RAD52: variants seen among roughly 807,000 people sequenced by gnomAD.
RAD52 encodes the protein DNA repair protein RAD52 homolog.
A neutral mutation model predicts 55.5 loss-of-function variants in RAD52; 47 were observed. The observed-to-expected ratio is 0.85, with a 90% CI of 0.67 to 1.08. The LOEUF is 1.08. RAD52 is among the 50% of genes least tolerant of loss of function. The pLI is 0.00. For missense variants in RAD52, 468 were observed against 522.8 expected, an observed-to-expected ratio of 0.90 and a Z score of 1.02; for synonymous variants, 184 against 198.9, an observed-to-expected ratio of 0.92 and a Z score of 0.63.
At chr12:964,445 G>A (rs1298684958) in intron 1 of RAD52, among the ~76,000 whole-genome samples, 1 of 152,086 alleles carries the variant, frequency 6.6e-6, no homozygotes, top group Non-Finnish European at 1.5e-5. Flanking sequence ...GTGTGTGCCT[G>A]TAATCCCAGC....
chr12:950,237 G>A (rs1392463927), upstream of RAD52, among the ~76,000 whole-genome samples: 1 of 152,188 alleles, frequency 6.6e-6, no homozygotes, highest in Non-Finnish European at 1.5e-5. Context: ...CGACCGCAGG[G>A]AAATGGAGAA....
At chr12:958,063 C>T (rs1158119933) in intron 1 of RAD52, among the ~76,000 whole-genome samples, 1 of 152,178 alleles carries the variant, frequency 6.6e-6, no homozygotes, top group Non-Finnish European at 1.5e-5. Context: ...GGAGGTGCTG[C>T]TCCCAGCCCA....
At chr12:915,320 T>G (rs755285427) in intron 9 of RAD52, among the ~76,000 whole-genome samples, 9 of 152,188 alleles carry the variant, frequency 5.9e-5, no homozygotes, top group Non-Finnish European at 1.0e-4. Flanking sequence ...AGTAAGGATA[T>G]CCACAGGACA....
At chr12:919,596 G>C (rs367654635) in intron 7 of RAD52, among the ~76,000 whole-genome samples, 2 of 150,444 alleles carry the variant, frequency 1.3e-5, no homozygotes, top group Non-Finnish European at 3.0e-5. Context: ...TAAAAAATAC[G>C]AAACATTAGT....
chr12:942,885 ACTT>A (rs879418993), intron 1 of RAD52, among the ~76,000 whole-genome samples: 3 of 152,182 alleles, frequency 2.0e-5, no homozygotes, highest in African/African-American at 4.8e-5. Flanking sequence ...AAAATGTAAA[ACTT>A]CTGTTCATCA....
In RAD52 at chr12:914,006, G is replaced by T; in HGVS notation, c.1083C>A (p.Asn361Lys). ...TCCTGTTCTGGGTCACCATCTGGTT[G>T]TTCAAGGCTAATGTGTCAGAGGTCT... Reference protein sequence around the residue: ...PAQTSDTLALNNQMVTQNRTP... With the variant: ...PAQTSDTLALKNQMVTQNRTP... Residue 361 changes from asparagine (N) to lysine (K), a missense_variant, in exon 11 of 12, where the codon AAC becomes AAA. Physicochemically the swap from Asn to Lys is moderately conservative, Grantham distance 94 (BLOSUM62 0). Transcript: ENST00000358495. 1 of 1,614,176 alleles carries T rather than the reference G, an allele frequency of 6.2e-7. No individual in the cohort carries two copies. The highest frequency in any genetic ancestry group is 8.5e-7 in the Non-Finnish European group (1 of 1,180,026).
At chr12:951,884 T>A (rs755652747), upstream of RAD52, among the ~76,000 whole-genome samples, 1 of 152,206 alleles carries the variant, frequency 6.6e-6, no homozygotes, top group Non-Finnish European at 1.5e-5. Context: ...TTCTGAAACA[T>A]AATTTTTGGG....
At chr12:971,700 T>C (rs755502632) in intron 1 of RAD52, among the ~76,000 whole-genome samples, 9 of 152,196 alleles carry the variant, frequency 5.9e-5, no homozygotes, top group Non-Finnish European at 1.0e-4. Context: ...AACAAGAACG[T>C]ATAACTCGTA....
chr12:929,564 T>C, intron 5 of RAD52: 3 of 701,982 alleles, frequency 4.3e-6, no homozygotes, highest in Admixed American at 2.0e-5. Context: ...TGCCAAAAAA[T>C]ACATCCTTTG....
chr12:987,175 T>G (rs1481932565), intron 1 of RAD52, among the ~76,000 whole-genome samples: 1 of 152,030 alleles, frequency 6.6e-6, no homozygotes, highest in East Asian at 1.9e-4. Context: ...TTCACCATGT[T>G]GGCCAGGCTG....
At chr12:960,554 C>T (rs1958669215) in intron 1 of RAD52, among the ~76,000 whole-genome samples, 1 of 152,180 alleles carries the variant, frequency 6.6e-6, no homozygotes, top group South Asian at 2.1e-4. Flanking sequence ...CCTCAAACTC[C>T]TGGGCTCAAG....
intron 1 of RAD52, among the ~76,000 whole-genome samples, chr12:943,715 T>C (rs943689316): frequency 1.3e-5 from 2 of 152,036 alleles, no homozygotes; most frequent in African/African-American, 4.8e-5. Flanking sequence ...TCCCCATTCA[T>C]TTTCTTAGAG....
upstream of RAD52, among the ~76,000 whole-genome samples, chr12:952,272 A>C (rs1346911653): frequency 6.6e-6 from 1 of 152,052 alleles, no homozygotes; most frequent in Non-Finnish European, 1.5e-5. Flanking sequence ...CTAATTAAAA[A>C]AATTTTTTTT....
intron 1 of RAD52, among the ~76,000 whole-genome samples, chr12:935,385 T>C (rs1369597568): frequency 8.2e-6 from 1 of 121,752 alleles, no homozygotes. Flanking sequence ...TGAATCTTTT[T>C]TTTTTTTTTT....
chr12:954,426 G>A (rs184790211), upstream of RAD52, among the ~76,000 whole-genome samples: 111 of 152,304 alleles, frequency 7.3e-4, no homozygotes, highest in Admixed American at 2.4e-3. Context: ...GAGGTCAGGA[G>A]TTTGAGACCA....
At chr12:955,566 C>G (rs1048981990) in intron 1 of RAD52, among the ~76,000 whole-genome samples, 3 of 151,934 alleles carry the variant, frequency 2.0e-5, no homozygotes, top group African/African-American at 7.2e-5. Context: ...CTCTGCCTCC[C>G]AGGTTCAAGC....
At chr12:920,559 CAA>C (rs35033819) in intron 7 of RAD52, among the ~76,000 whole-genome samples, 27 of 105,798 alleles carry the variant, frequency 2.6e-4, no homozygotes, top group Non-Finnish European at 2.4e-4. Context: ...GACTCCGTCT[CAA>C]AAAAAAAAAA....
intron 1 of RAD52, among the ~76,000 whole-genome samples, chr12:945,154 C>A (rs990813135): frequency 3.3e-5 from 5 of 151,960 alleles, no homozygotes; most frequent in African/African-American, 9.7e-5. Flanking sequence ...AGTTCAAGAC[C>A]AGCCCGGCTA....
chr12:930,301 C>T (rs564867586), intron 3 of RAD52, among the ~76,000 whole-genome samples, 157 bp from the exon 4 acceptor site: 3 of 152,168 alleles, frequency 2.0e-5, no homozygotes, highest in Admixed American at 6.6e-5. Flanking sequence ...ATCACTTGAG[C>T]CCAGGAGCTC....
Sources: gnomAD v4.1 joint callset for allele counts (sites outside exome capture counted in the v4.1 genomes callset) on GRCh38, gnomAD v4.1.1 for gene constraint, MANE v1.5 for transcripts, NCBI Gene and HGNC (gene_info 2026-07-23, HGNC 2026-07-21) for gene names.